The following RBBP5 variants were observed in gnomAD, a reference collection of about 807,000 sequenced individuals.
RBBP5 encodes the protein RB binding protein 5, histone lysine methyltransferase complex subunit.
Under a neutral mutation model 72.2 loss-of-function variants are expected in RBBP5, and 5 were observed. The observed-to-expected ratio is 0.07, with a 90% CI of 0.04 to 0.15. The LOEUF (loss-of-function observed/expected upper bound fraction) is 0.15. Ranked by LOEUF, RBBP5 falls within the 10% of genes least tolerant of loss-of-function variation. RBBP5 has a pLI of 1.00. For synonymous variants in RBBP5, 209 were observed against 237.2 expected (o/e 0.88, Z 1.09); for missense variants, 322 against 652.2 (o/e 0.49, Z 5.51).
At chr1:205,104,444 A>G (rs1445411702) in intron 4 of RBBP5, among the ~76,000 whole-genome samples, 5 of 152,118 alleles carry the variant, frequency 3.3e-5, no homozygotes, top group African/African-American at 1.2e-4. Flanking sequence ...AATCGCTTGA[A>G]AACAGGAGGA....
Position 205,087,317 on chromosome 1 carries a change from C to G in RBBP5, c.*1470G>C, listed in dbSNP as rs1574677344. ...GTTCAAGTGATTCTCCTGACTCAGCCTCCAGTGTAGCTGGGATTACAGGCA... is the reference window on the plus strand; with the variant it reads ...GTTCAAGTGATTCTCCTGACTCAGCGTCCAGTGTAGCTGGGATTACAGGCA... On this transcript the variant is annotated 3_prime_UTR_variant, in exon 14 of 14. Coordinates refer to ENST00000264515, the MANE Select transcript of RBBP5 (RefSeq NM_005057.4). The G allele has an allele frequency of 6.6e-6, 1 of 152,030 alleles. No homozygotes were observed. The highest frequency in any genetic ancestry group is 1.5e-5 in the Non-Finnish European group (1 of 68,042). The allele number at this position is 152,030 out of a possible 1,614,324, so 9.4% of individuals were successfully genotyped here.
Position 205,094,322 on chromosome 1 carries a change from C to T in RBBP5, c.1588+551G>A, listed in dbSNP as rs539346545. ...CATCTTCTTCCTTAACACGATGGTA[C>T]TAACAATTTCATTATTGCTTCTGGA... On this transcript the variant is annotated intron_variant, in intron 13 of 13. Transcript: ENST00000264515. 7.1e-4 allele frequency among the ~76,000 whole-genome samples: 108 copies of T among 152,278 alleles called. 3 individuals carry two copies. Among genetic ancestry groups the T allele is most frequent in the East Asian group, 3.9e-3 (20 of 5,190 alleles).
chr1:205,111,345 A>C (rs769610553), intron 3 of RBBP5, among the ~76,000 whole-genome samples: 31 of 152,208 alleles, frequency 2.0e-4, no homozygotes, highest in Non-Finnish European at 3.7e-4. Context: ...ATAGCAGTGA[A>C]ATGGCACACA....
intron 3 of RBBP5, among the ~76,000 whole-genome samples, chr1:205,111,503 T>C (rs1656314669): frequency 1.3e-5 from 2 of 152,188 alleles, no homozygotes; most frequent in South Asian, 4.1e-4. Flanking sequence ...TTAATGAGTA[T>C]CTTCAACCAA....
intron 3 of RBBP5, among the ~76,000 whole-genome samples, chr1:205,110,080 G>C (rs901313741): frequency 1.3e-5 from 2 of 151,756 alleles, no homozygotes; most frequent in Admixed American, 1.3e-4. Flanking sequence ...CTGTCGCCCA[G>C]GCAGATCCCG....
At chr1:205,108,116 G>A (rs1384241625) in intron 3 of RBBP5, among the ~76,000 whole-genome samples, 3 of 151,728 alleles carry the variant, frequency 2.0e-5, no homozygotes, top group African/African-American at 7.3e-5. Flanking sequence ...GGTAGTGCAC[G>A]CCTGTAGTCC....
rs1047787134 is a variant in RBBP5, at chr1:205,088,305, G to A, written c.*482C>T. ...TATGGAAATATAGGAGGTATCTGGGGAGAGGAGAAGTTTAAAATGAGAGTA... is the reference window on the plus strand; with the variant it reads ...TATGGAAATATAGGAGGTATCTGGGAAGAGGAGAAGTTTAAAATGAGAGTA... On this transcript the variant is annotated 3_prime_UTR_variant, in exon 14 of 14. Transcript: ENST00000264515. 1 of 156,034 alleles carries A rather than the reference G, an allele frequency of 6.4e-6. No homozygotes were observed. The highest frequency in any genetic ancestry group is 2.4e-5 in the African/African-American group (1 of 41,456). 9.7% of individuals were successfully genotyped at this position (156,034 alleles called of 1,614,324 possible).
intron 13 of RBBP5, among the ~76,000 whole-genome samples, chr1:205,092,807 C>T (rs113429688): frequency 1.3e-5 from 2 of 152,304 alleles, no homozygotes; most frequent in African/African-American, 4.8e-5. Context: ...GTCTTGAACT[C>T]CTGGGCTCAA....
chr1:205,121,681 C>A (rs954050882), intron 1 of RBBP5, among the ~76,000 whole-genome samples, 174 bp downstream of exon 1: 1 of 152,192 alleles, frequency 6.6e-6, no homozygotes. Context: ...GGCAATGCAA[C>A]CTACTCGGGC....
chr1:205,110,053 C>T (rs750605262), intron 3 of RBBP5, among the ~76,000 whole-genome samples: 16 of 151,362 alleles, frequency 1.1e-4, no homozygotes, highest in East Asian at 3.9e-4. Flanking sequence ...TTTTTTTTTC[C>T]GAGACAGGGT....
chr1:205,096,553 A>C (rs939898144), intron 12 of RBBP5, 129 bp downstream of exon 12: 23 of 785,894 alleles, frequency 2.9e-5, no homozygotes, highest in Non-Finnish European at 4.7e-5. Flanking sequence ...GTTGTAAAAC[A>C]CTATAAAACA....
rs1656751435 is a variant in RBBP5, at chr1:205,121,907, G to A, written c.-34C>T. Reference sequence around the variant, plus strand: ...ACTGTGGCCGCCCGGTCTCAGCTCCGGCAACAACACCTTCTCCCCGGCCGG... The same window carrying A: ...ACTGTGGCCGCCCGGTCTCAGCTCCAGCAACAACACCTTCTCCCCGGCCGG... On this transcript the variant is annotated 5_prime_UTR_variant, in exon 1 of 14. Transcript: ENST00000264515. 2 of 1,608,392 alleles carry A rather than the reference G, an allele frequency of 1.2e-6. No homozygotes were observed. The highest frequency in any genetic ancestry group is 2.2e-5 in the South Asian group (2 of 91,072).
chr1:205,090,866 A>G (rs923557493), intron 13 of RBBP5, among the ~76,000 whole-genome samples: 3 of 152,110 alleles, frequency 2.0e-5, no homozygotes, highest in African/African-American at 7.2e-5. Flanking sequence ...GAAGGAAAAG[A>G]AGGAAAGGAG....
At chr1:205,093,478 AAATATATATATATATATATATATAT>A (rs1192331429) in intron 13 of RBBP5, among the ~76,000 whole-genome samples, 2 of 5,718 alleles carry the variant, frequency 3.5e-4, no homozygotes, top group Non-Finnish European at 4.2e-4. Flanking sequence ...AAAAAAAAAA[AAATATATATATATATATATATATAT>A]ATATATATAT....
In RBBP5 at chr1:205,096,290, C is replaced by A. The variant is rs188197005; in HGVS notation, c.1396+392G>T. The stretch of plus-strand genomic sequence containing the variant: ...CACCCCCATCCATCCCTACTTATCC[C>A]AAGACATGATAATAAAGGCTTCCCA... On this transcript the variant is annotated intron_variant, in intron 12 of 13. Transcript: ENST00000264515. Among the ~76,000 whole-genome samples, 165 of 152,166 alleles carry A rather than the reference C, an allele frequency of 1.1e-3. 1 individual carries two copies. The highest frequency in any genetic ancestry group is 3.7e-3 in the African/African-American group (155 of 41,526).
intron 3 of RBBP5, among the ~76,000 whole-genome samples, chr1:205,107,457 G>A (rs911828303): frequency 6.6e-6 from 1 of 151,590 alleles, no homozygotes; most frequent in African/African-American, 2.4e-5. Context: ...CCAGAAGGAA[G>A]TGGCACATTT....
chr1:205,105,185 GGT>G lies in RBBP5; in HGVS notation c.219-19_219-18del. The G allele has an allele frequency of 2.5e-6, 4 of 1,603,528 alleles. No homozygotes were observed. In the South Asian group the frequency reaches 4.4e-5, roughly 18 times the overall value. ...CGGCTCCAGCTGAGGAAAAAAAAGG[GGT>G]AATTTAGCACATATTCTAAGTATAT... On this transcript the variant is annotated intron_variant, in intron 3 of 13. Coordinates refer to ENST00000264515, the MANE Select transcript of RBBP5 (RefSeq NM_005057.4).
chr1:205,095,461 C>T (rs936753260), intron 12 of RBBP5, among the ~76,000 whole-genome samples: 3 of 152,092 alleles, frequency 2.0e-5, no homozygotes, highest in African/African-American at 7.2e-5. Flanking sequence ...TCCAATGTGG[C>T]CCAGGGAAGT....
Position 205,121,975 on chromosome 1 carries a change from T to C in RBBP5, c.-102A>G, listed in dbSNP as rs552488745. Reference sequence around the variant, plus strand: ...TAAGTGGTGGACGCCGCGAAGAGACTGGCGCAAGCTCCGAAGACTTTCGGC... The same window carrying C: ...TAAGTGGTGGACGCCGCGAAGAGACCGGCGCAAGCTCCGAAGACTTTCGGC... On this transcript the variant is annotated 5_prime_UTR_variant, in exon 1 of 14. Transcript: ENST00000264515. 5.1e-6 allele frequency: 8 copies of C among 1,555,508 alleles called. No homozygotes were observed. Among genetic ancestry groups the C allele is most frequent in the East Asian group, 2.3e-5 (1 of 43,396 alleles).
Sources: allele counts gnomAD v4.1 joint callset (sites outside exome capture counted in the v4.1 genomes callset), GRCh38; gene constraint gnomAD v4.1.1; transcripts MANE v1.5; gene names NCBI Gene and HGNC (gene_info 2026-07-23, HGNC 2026-07-21).